The following FGF22 variants were observed in gnomAD, a reference collection of about 807,000 sequenced individuals.
The protein encoded by FGF22 is FGF-22.
Under a neutral mutation model 10.3 loss-of-function variants are expected in FGF22, and 11 were observed. The observed-to-expected ratio is 1.07, with a 90% confidence interval of 0.67 to 1.77. The LOEUF is 1.77. Ranked by LOEUF, FGF22 falls within the 40% of genes most tolerant of loss-of-function variation. The pLI is 0.00. For missense variants in FGF22, 317 were observed against 273.2 expected (o/e 1.16, Z -1.13); for synonymous variants, 136 against 122.1 (o/e 1.11, Z -0.75).
chr19:641,170 T>C (rs1283961030), intron 1 of FGF22: 1 of 456,418 alleles, frequency 2.2e-6, no homozygotes, highest in Non-Finnish European at 4.4e-6. Context: ...GTGGGTGCTG[T>C]GCTCCGCATG....
chr19:640,939 G>A (rs138080710), intron 1 of FGF22: 18 of 334,804 alleles, frequency 5.4e-5, no homozygotes, highest in Admixed American at 1.1e-4. Context: ...CGCACGTGAC[G>A]AGGGCGGACA....
chr19:642,899 A>G (rs1985951321), intron 1 of FGF22, among the ~76,000 whole-genome samples: 1 of 152,020 alleles, frequency 6.6e-6, no homozygotes, highest in Admixed American at 6.6e-5. Flanking sequence ...ACACACACAC[A>G]GATGCTGCTC....
Position 640,178 on chromosome 19 carries a change from G to A in FGF22, c.214+39G>A, listed in dbSNP as rs1985855275. On this transcript the variant is annotated intron_variant, in intron 1 of 2. Coordinates refer to ENST00000215530, the Ensembl canonical transcript of FGF22. The stretch of plus-strand genomic sequence containing the variant: ...GGCGGGGGCCTGGGGTGGGGAGGCG[G>A]CGGGTGACGGCAACGCGGCCGCCGT... 8 of 1,233,580 alleles carry A rather than the reference G, an allele frequency of 6.5e-6. No individual in the cohort carries two copies. In the South Asian group the frequency reaches 1.7e-4, roughly 27 times the overall value. The allele number at this position is 1,233,580 out of a possible 1,614,324, so 76.4% of individuals were successfully genotyped here.
chr19:640,097 G>T lies in FGF22; in HGVS notation c.172G>T (p.Gly58Cys), dbSNP rs1251516799. Reference sequence around the variant, plus strand: ...TCACTTCTTCCTGCGCGTGGATCCCGGCGGCCGCGTGCAGGGCACCCGCTG... The same window carrying T: ...TCACTTCTTCCTGCGCGTGGATCCCTGCGGCCGCGTGCAGGGCACCCGCTG... Residue 58 changes from glycine (G) to cysteine (C), a missense_variant, in exon 1 of 3, where the codon GGC becomes TGC. By Grantham distance (159) the Gly-to-Cys change is radical. Transcript: ENST00000215530. The T allele has an allele frequency of 3.6e-6, 5 of 1,399,576 alleles. No individual in the cohort carries two copies. Among genetic ancestry groups the T allele is most frequent in the Non-Finnish European group, 4.6e-6 (5 of 1,076,282 alleles). 86.7% of individuals were successfully genotyped at this position (1,399,576 alleles called of 1,614,324 possible).
rs1266003590 is a variant in FGF22, at chr19:640,993, C to T, written c.214+854C>T. The T allele has an allele frequency of 3.3e-5, 12 of 359,732 alleles. 1 individual carries two copies. The highest frequency in any genetic ancestry group is 1.8e-4 in the South Asian group (9 of 50,430). The allele number at this position is 359,732 out of a possible 1,614,324, so 22.3% of individuals were successfully genotyped here. ...TCCATCCATGGCGGGCATGGCCAGG[C>T]GGGGTGGCCTCGGGCCGGGGCAGAG... is the stretch of plus-strand genomic sequence containing the variant. On this transcript the variant is annotated intron_variant, in intron 1 of 2. Transcript: ENST00000215530.
exon 2 of FGF22, chr19:643,251 C>T: frequency 6.2e-7 from 1 of 1,611,478 alleles, no homozygotes; most frequent in East Asian, 2.2e-5. Context: ...TGGAGATCCG[C>T]TCTGTACACG....
chr19:643,613 G>A (rs1027532862), exon 3 of FGF22: 4 of 1,505,796 alleles, frequency 2.7e-6, no homozygotes, highest in Non-Finnish European at 3.5e-6. Flanking sequence ...GAGGCCCTGA[G>A]AGGCCGGCGG....
At chr19:643,644 G>A (rs1284861579) in exon 3 of FGF22, 15 of 1,431,824 alleles carry the variant, frequency 1.0e-5, no homozygotes, top group Non-Finnish European at 1.4e-5. Flanking sequence ...TGCCTGGGCT[G>A]GTGGCGAGGG....
At chr19:641,840 C>T (rs940637066) in intron 1 of FGF22, among the ~76,000 whole-genome samples, 1 of 152,110 alleles carries the variant, frequency 6.6e-6, no homozygotes, top group African/African-American at 2.4e-5. Context: ...GGGAACTGTA[C>T]ACCCAGCTGA....
chr19:643,393 C>T lies in FGF22; in HGVS notation c.319-17C>T. ...GGCAGGGTGGGGAGGGTGGGCCGGC[C>T]TCACCCCCGCCCGCAGCGACTCTAC... On this transcript the variant is annotated splice_polypyrimidine_tract_variant and intron_variant, in intron 2 of 2. Coordinates refer to ENST00000215530, the Ensembl canonical transcript of FGF22. 1.9e-6 allele frequency: 3 copies of T among 1,607,094 alleles called. No homozygotes were observed. The highest frequency in any genetic ancestry group is 1.7e-5 in the Admixed American group (1 of 59,734).
intron 1 of FGF22, among the ~76,000 whole-genome samples, chr19:641,772 G>A (rs1985911176): frequency 1.3e-5 from 2 of 152,092 alleles, no homozygotes; most frequent in African/African-American, 4.8e-5. Context: ...CTGGAAGGTC[G>A]GGCTGGGAGG....
chr19:643,124 G>A (rs988349361), intron 1 of FGF22, 111 bp from the exon 2 acceptor site: 32 of 819,760 alleles, frequency 3.9e-5, no homozygotes, highest in East Asian at 2.7e-4. Flanking sequence ...CGTGGTCCCG[G>A]GGGTCTCCTG....
intron 1 of FGF22, chr19:641,338 A>C (rs573696374): frequency 2.2e-6 from 1 of 446,792 alleles, no homozygotes; most frequent in African/African-American, 2.0e-5. Flanking sequence ...GCACTTTGGG[A>C]GGCCGAGGCG....
intron 1 of FGF22, chr19:641,042 G>T (rs1179052845): frequency 5.1e-6 from 2 of 390,836 alleles, no homozygotes; most frequent in Non-Finnish European, 1.0e-5. Flanking sequence ...GCCTGACCTG[G>T]AACAGTCTCT....
chr19:643,226 C>T lies in FGF22; in HGVS notation c.215-9C>T, dbSNP rs1985965038. 1 of 1,566,366 alleles carries T rather than the reference C, an allele frequency of 6.4e-7. No individual in the cohort carries two copies. Among genetic ancestry groups the T allele is most frequent in the East Asian group, 2.3e-5 (1 of 42,646 alleles). ...CAGCAAGGCCCTCCCCGACCCCCGC[C>T]TCCCCCAGGCATCCTGGAGATCCGC... On this transcript the variant is annotated splice_polypyrimidine_tract_variant and intron_variant, in intron 1 of 2. Coordinates refer to ENST00000215530, the Ensembl canonical transcript of FGF22.
chr19:640,191 A>T (rs980154172), intron 1 of FGF22, 52 bp downstream of exon 1: 10 of 1,144,994 alleles, frequency 8.7e-6, no homozygotes, highest in Non-Finnish European at 1.1e-5. Context: ...GGTGACGGCA[A>T]CGCGGCCGCC....
chr19:640,250 T>G lies in FGF22; in HGVS notation c.214+111T>G, dbSNP rs1417817411. The stretch of plus-strand genomic sequence containing the variant: ...CGGGGGAGTCCCGGAGGCTCCTCTG[T>G]GCAGCCTCGGCCTCAGTTTCCGTGG... On this transcript the variant is annotated intron_variant, in intron 1 of 2. Transcript: ENST00000215530. The G allele has an allele frequency of 6.0e-6, 4 of 671,622 alleles. No individual in the cohort carries two copies. In the African/African-American group the frequency reaches 7.6e-5, roughly 13 times the overall value. The allele number at this position is 671,622 out of a possible 1,614,324, so 41.6% of individuals were successfully genotyped here. A position where few individuals can be genotyped will look rare whatever the true frequency, so the allele number is the denominator to read the frequency against.
chr19:641,524 G>C (rs1985900476), intron 1 of FGF22: 1 of 278,438 alleles, frequency 3.6e-6, no homozygotes, highest in Non-Finnish European at 7.3e-6. Flanking sequence ...GCAGTGAGCT[G>C]AGATCGCGCC....
At chr19:640,739 A>C (rs905383344) in intron 1 of FGF22, 2 of 189,564 alleles carry the variant, frequency 1.1e-5, no homozygotes, top group African/African-American at 4.7e-5. Flanking sequence ...CAGGAGCAAG[A>C]GGAGAGGCTG....
Sources: allele counts gnomAD v4.1 joint callset (sites outside exome capture counted in the v4.1 genomes callset), GRCh38; gene constraint gnomAD v4.1.1; transcripts MANE v1.5; gene names NCBI Gene and HGNC (gene_info 2026-07-23, HGNC 2026-07-21).